Variants in TGFBR2 observed in about 807,000 individuals in gnomAD.
The protein encoded by TGFBR2 is TGF-beta receptor type-2.
A neutral mutation model predicts 49.0 loss-of-function variants in TGFBR2; 18 were observed. The observed-to-expected ratio is 0.37, with a 90% CI of 0.25 to 0.54. TGFBR2 has a LOEUF of 0.54. Among genes scored for constraint, TGFBR2 ranks in the 20% least tolerant of loss-of-function variants. TGFBR2 has a pLI of 0.85. For synonymous variants in TGFBR2, 282 were observed against 275.9 expected (o/e 1.02, Z -0.22); for missense variants, 525 against 722.6 (o/e 0.73, Z 3.13).
Position 30,606,945 on chromosome 3 carries a change from C to T in TGFBR2, c.62C>T (p.Ala21Val). The T allele has an allele frequency of 1.2e-6, 2 of 1,602,652 alleles. No individual in the cohort carries two copies. Among genetic ancestry groups the T allele is most frequent in the Non-Finnish European group, 8.5e-7 (1 of 1,174,888 alleles). Residue 21 changes from alanine to valine, a missense_variant, in exon 1 of 7, where the codon GCC (alanine) becomes GTC (valine). Physicochemically the swap from Ala to Val is moderately conservative, Grantham distance 64. This residue lies in a region of TGFBR2 where 376 missense variants were observed against 478.2 expected (regional missense o/e 0.79). Transcript: ENST00000295754. ...CACATCGTCCTGTGGACGCGTATCG[C>T]CAGCACGATCCCACCGCACGTTCAG... ...PLHIVLWTRI[A>V]STIPPHVQKS...
At chr3:30,640,102 A>G (rs570015163) in intron 1 of TGFBR2, among the ~76,000 whole-genome samples, 27 of 152,304 alleles carry the variant, frequency 1.8e-4, no homozygotes, top group South Asian at 1.0e-3. Flanking sequence ...GTGTGGGGAA[A>G]ATGTGAGATA....
intron 3 of TGFBR2, among the ~76,000 whole-genome samples, chr3:30,656,486 G>A (rs1435436902): frequency 2.0e-5 from 3 of 152,244 alleles, no homozygotes; most frequent in African/African-American, 7.2e-5. Flanking sequence ...GATCAATGAA[G>A]GAGATGTTTG....
intron 1 of TGFBR2, among the ~76,000 whole-genome samples, chr3:30,620,572 G>A (rs1698211145): frequency 6.6e-6 from 1 of 151,938 alleles, no homozygotes; most frequent in Non-Finnish European, 1.5e-5. Context: ...GGGGAGCTGT[G>A]GTGTGTGGGT....
chr3:30,651,967 A>T (rs1698897006), intron 3 of TGFBR2, among the ~76,000 whole-genome samples: 1 of 152,252 alleles, frequency 6.6e-6, no homozygotes, highest in Non-Finnish European at 1.5e-5. Context: ...GGCCATGTGC[A>T]TTCCACCTGC....
At chr3:30,654,417 G>C (rs981297987) in intron 3 of TGFBR2, among the ~76,000 whole-genome samples, 1 of 152,158 alleles carries the variant, frequency 6.6e-6, no homozygotes, top group Non-Finnish European at 1.5e-5. Flanking sequence ...CCTAGTGCCA[G>C]TTCCCCTGCC....
At chr3:30,652,215 C>T (rs1256562668) in intron 3 of TGFBR2, among the ~76,000 whole-genome samples, 1 of 145,850 alleles carries the variant, frequency 6.9e-6, no homozygotes, top group Admixed American at 7.0e-5. Flanking sequence ...CCATTTCTCT[C>T]GTTTTCTTTT....
chr3:30,688,367 G>T lies in TGFBR2; in HGVS notation c.1397-17G>T. On this transcript the variant is annotated splice_polypyrimidine_tract_variant and intron_variant, in intron 5 of 6. Coordinates refer to ENST00000295754, the MANE Select transcript of TGFBR2 (RefSeq NM_003242.6). Reference sequence around the variant, plus strand: ...TGCCATTCTCAGTGACCCTGTGTTTGCTGGCTTTCTTCACAGAAGTAAAAG... The same window carrying T: ...TGCCATTCTCAGTGACCCTGTGTTTTCTGGCTTTCTTCACAGAAGTAAAAG... The T allele has an allele frequency of 1.2e-6, 2 of 1,614,088 alleles. No homozygotes were observed. Among genetic ancestry groups the T allele is most frequent in the Non-Finnish European group, 1.7e-6 (2 of 1,179,970 alleles).
chr3:30,607,815 A>T (rs1027504705), intron 1 of TGFBR2, among the ~76,000 whole-genome samples: 3 of 136,188 alleles, frequency 2.2e-5, no homozygotes, highest in Admixed American at 7.1e-5. Flanking sequence ...TATATATATT[A>T]TATATATATA....
intron 3 of TGFBR2, among the ~76,000 whole-genome samples, chr3:30,655,817 ACTT>A (rs1465794402): frequency 6.6e-6 from 1 of 152,088 alleles, no homozygotes; most frequent in Non-Finnish European, 1.5e-5. Context: ...ATCCTTTCTT[ACTT>A]CTTCTTCCCC....
At chr3:30,622,578 C>A (rs1384964108) in intron 1 of TGFBR2, among the ~76,000 whole-genome samples, 2 of 151,824 alleles carry the variant, frequency 1.3e-5, no homozygotes, top group East Asian at 1.9e-4. Context: ...CGTACTTCTT[C>A]AGGCAGATAG....
Position 30,650,477 on chromosome 3 carries a change from T to G in TGFBR2, c.454+17T>G. On this transcript the variant is annotated intron_variant, in intron 3 of 6. Coordinates refer to ENST00000295754, the MANE Select transcript of TGFBR2 (RefSeq NM_003242.6). ...TCTCAGAAGGTGAGTTTTCTTCTCTTAAGGGTGTGGGACCTGAGATCTGTG... is the reference window on the plus strand; with the variant it reads ...TCTCAGAAGGTGAGTTTTCTTCTCTGAAGGGTGTGGGACCTGAGATCTGTG... 2 of 1,613,740 alleles carry G rather than the reference T, an allele frequency of 1.2e-6. No individual in the cohort carries two copies. The highest frequency in any genetic ancestry group is 1.7e-6 in the Non-Finnish European group (2 of 1,179,708).
intron 1 of TGFBR2, among the ~76,000 whole-genome samples, chr3:30,611,613 AAAGAGAATTTTATTACGAATG>A (rs33960485): frequency 0.62 from 93,435 of 150,492 alleles, 30,657 homozygotes; most frequent in East Asian, 0.78. Flanking sequence ...AGGGTGTCGG[AAAGAGAATTTTATTACGAATG>A]AAGTGCTAAA....
chr3:30,652,232 G>GTTTTTTTTTT (rs11386584), intron 3 of TGFBR2, among the ~76,000 whole-genome samples: 2 of 97,030 alleles, frequency 2.1e-5, no homozygotes, highest in Admixed American at 1.5e-4. Flanking sequence ...TTTTCTGGTT[G>GTTTTTTTTTT]TTTTTTTTTT....
intron 5 of TGFBR2, among the ~76,000 whole-genome samples, chr3:30,678,774 C>T (rs1045300865): frequency 2.6e-5 from 4 of 152,144 alleles, no homozygotes; most frequent in African/African-American, 9.6e-5. Flanking sequence ...TGTATTGATA[C>T]TTTTTTAAGC....
rs1274498246 is a variant in TGFBR2, at chr3:30,676,768, TC to T, written c.1396+2524del. ...GCACCCTGCTGAACCTCACATGTTTTCCTGAGACCCCCGCATGGGGATGGCA... is the reference window on the plus strand; with the variant it reads ...GCACCCTGCTGAACCTCACATGTTTTCTGAGACCCCCGCATGGGGATGGCA... On this transcript the variant is annotated intron_variant, in intron 5 of 6. Transcript: ENST00000295754. This position sits in a 1 kb window ranked among gnomAD's most constrained non-coding sequence, Gnocchi z 4.3. Among the ~76,000 whole-genome samples, 6 of 152,226 alleles carry T rather than the reference TC, an allele frequency of 3.9e-5. No individual in the cohort carries two copies. The highest frequency in any genetic ancestry group is 3.8e-4 in the East Asian group (2 of 5,196).
intron 1 of TGFBR2, among the ~76,000 whole-genome samples, chr3:30,636,955 T>G (rs1015613995): frequency 6.6e-6 from 1 of 151,134 alleles, no homozygotes; most frequent in Non-Finnish European, 1.5e-5. Flanking sequence ...TCCCAGCTGC[T>G]CGGGAGGCTG....
Position 30,693,619 on chromosome 3 carries a change from G to A in TGFBR2, c.*2020G>A. The A allele has an allele frequency of 4.3e-6, 1 of 233,558 alleles. No homozygotes were observed. Among genetic ancestry groups the A allele is most frequent in the Non-Finnish European group, 8.5e-6 (1 of 117,894 alleles). 14.5% of individuals were successfully genotyped at this position (233,558 alleles called of 1,614,324 possible). A position where few individuals can be genotyped will look rare whatever the true frequency, so the allele number is the denominator to read the frequency against. On this transcript the variant is annotated 3_prime_UTR_variant, in exon 7 of 7. Coordinates refer to ENST00000295754, the MANE Select transcript of TGFBR2 (RefSeq NM_003242.6). ...GTGGGTGGGCTGAGAGTTAAAGACA[G>A]TGTGGCTGCAGTAGCATAGAGGCGC...
chr3:30,644,003 A>G (rs1337118276), intron 1 of TGFBR2, among the ~76,000 whole-genome samples: 1 of 152,168 alleles, frequency 6.6e-6, no homozygotes, highest in Non-Finnish European at 1.5e-5. Flanking sequence ...GCAGATCCTG[A>G]GGTGGATTCA....
chr3:30,635,164 T>C (rs143354646), intron 1 of TGFBR2, among the ~76,000 whole-genome samples: 2 of 152,336 alleles, frequency 1.3e-5, no homozygotes, highest in East Asian at 3.9e-4. Context: ...AAGAGCATGA[T>C]TGAGAAAGTT....
Sources: allele counts gnomAD v4.1 joint callset (sites outside exome capture counted in the v4.1 genomes callset), GRCh38; gene constraint gnomAD v4.1.1; regional missense constraint gnomAD v4.1.1; non-coding constraint Gnocchi (gnomAD v3.1); transcripts MANE v1.5; gene names NCBI Gene and HGNC (gene_info 2026-07-23, HGNC 2026-07-21).